The following BBS4 variants were observed in gnomAD, a reference collection of about 807,000 sequenced individuals.
BBS4 encodes the protein Bardet-Biedl syndrome 4.
Under a neutral mutation model 71.4 loss-of-function variants are expected in BBS4, and 58 were observed. That is an observed-to-expected ratio of 0.81 (90% CI 0.66 to 1.01). BBS4 has a LOEUF of 1.01. BBS4 is among the 50% of genes least tolerant of loss of function. The probability of loss-of-function intolerance (pLI) is 0.00; values close to 1 mark genes in which losing one functional copy is unlikely to be tolerated. For missense variants in BBS4, 660 were observed against 607.9 expected (o/e 1.09, Z -0.90); for synonymous variants, 228 against 216.8 (o/e 1.05, Z -0.46).
chr15:72,722,761 C>T, intron 6 of BBS4, 33 bp from the exon 7 acceptor site: 1 of 1,601,274 alleles, frequency 6.2e-7, no homozygotes, highest in Non-Finnish European at 8.6e-7. Flanking sequence ...GGAATTACAC[C>T]TGAGTTGTTT....
At position 72,712,254 on chromosome 15, in the gene BBS4, A is replaced by T. The variant is rs1422003622; in HGVS notation, c.167A>T (p.Lys56Ile). 5 of 1,613,994 alleles carry T rather than the reference A, an allele frequency of 3.1e-6. No homozygotes were observed. Among genetic ancestry groups the T allele is most frequent in the Non-Finnish European group, 4.2e-6 (5 of 1,179,908 alleles). Reference sequence around the variant, plus strand: ...TTCTCCCTCTTTCAGGCTGTTATCAAAGAACAGCTTCAAGAGACTCAGGGA... The same window carrying T: ...TTCTCCCTCTTTCAGGCTGTTATCATAGAACAGCTTCAAGAGACTCAGGGA... ...KDYEACKAVI[K>I]EQLQETQGLC... The change falls in exon 4 of 16, where the codon AAA (lysine) becomes ATA (isoleucine). Residue 56 changes from lysine to isoleucine, a missense_variant. Transcript: ENST00000268057.
chr15:72,725,057 T>TAGAGAGAGAG (rs71137311), intron 8 of BBS4, among the ~76,000 whole-genome samples: 35 of 127,656 alleles, frequency 2.7e-4, no homozygotes, highest in South Asian at 8.2e-4. Flanking sequence ...TATATATATA[T>TAGAGAGAGAG]AGAGAGAGAG....
rs28938468 is a variant in BBS4 at position 72,735,167 on chromosome 15, C to A, written c.1091C>A (p.Ala364Glu). 3 of 1,613,410 alleles carry A rather than the reference C, an allele frequency of 1.9e-6. No homozygotes were observed. Among genetic ancestry groups the A allele is most frequent in the Admixed American group, 1.7e-5 (1 of 59,998 alleles). ...AATGCCAAGAGAGCCTACGCAGAAG[C>A]AGTCCACCTGGATAAGTATGCACTT... is the stretch of plus-strand genomic sequence containing the variant. ...IENAKRAYAE[A>E]VHLDKCNPLV... The change falls in exon 13 of 16, where the codon GCA becomes GAA. Residue 364 changes from alanine (A) to glutamate (E), a missense_variant. Transcript: ENST00000268057.
At chr15:72,722,283 C>T (rs2065590965) in intron 6 of BBS4, among the ~76,000 whole-genome samples, 1 of 152,214 alleles carries the variant, frequency 6.6e-6, no homozygotes, top group South Asian at 2.1e-4. Flanking sequence ...GCTGTCAGTC[C>T]TCAAGTTCAC....
intron 2 of BBS4, among the ~76,000 whole-genome samples, chr15:72,703,054 G>T (rs1194382282): frequency 6.6e-6 from 1 of 151,174 alleles, no homozygotes; most frequent in Admixed American, 6.6e-5. Flanking sequence ...CTCGTGATCC[G>T]CCCGCCTCGG....
intron 5 of BBS4, among the ~76,000 whole-genome samples, chr15:72,716,541 C>G (rs1444541479): frequency 6.6e-6 from 1 of 152,152 alleles, no homozygotes; most frequent in Non-Finnish European, 1.5e-5. Context: ...AAGACTCTCA[C>G]TAAAATTGGT....
chr15:72,736,048 A>G, intron 14 of BBS4, 82 bp downstream of exon 14: 1 of 1,511,256 alleles, frequency 6.6e-7, no homozygotes. Context: ...ATCCAAATCC[A>G]AGGTATTACA....
intron 6 of BBS4, 85 bp from the exon 7 acceptor site, chr15:72,722,709 A>G: frequency 7.8e-7 from 1 of 1,277,444 alleles, no homozygotes; most frequent in Non-Finnish European, 1.1e-6. Flanking sequence ...CCGAGCAATA[A>G]CAATCTCTAG....
At chr15:72,736,259 T>G (rs1174428088) in intron 14 of BBS4, among the ~76,000 whole-genome samples, 2 of 132,970 alleles carry the variant, frequency 1.5e-5, no homozygotes, top group East Asian at 2.6e-4. Flanking sequence ...TTTTTTTTTT[T>G]GAGACGGAAT....
chr15:72,687,467 C>T (rs1595898700), intron 1 of BBS4, among the ~76,000 whole-genome samples: 1 of 150,988 alleles, frequency 6.6e-6, no homozygotes, highest in Non-Finnish European at 1.5e-5. Flanking sequence ...AGCGGGGCAT[C>T]GTGGCGCTCG....
At chr15:72,708,803 G>T (rs1231346863) in intron 2 of BBS4, among the ~76,000 whole-genome samples, 1 of 152,134 alleles carries the variant, frequency 6.6e-6, no homozygotes, top group Non-Finnish European at 1.5e-5. Context: ...TTGACATAAG[G>T]ACTGAAATAC....
At chr15:72,693,880 T>C (rs1264630904) in intron 1 of BBS4, among the ~76,000 whole-genome samples, 2 of 152,026 alleles carry the variant, frequency 1.3e-5, no homozygotes, top group Admixed American at 1.3e-4. Context: ...TTTGTTTTTC[T>C]TTTTCTTCTT....
At chr15:72,698,753 A>G (rs1277127809) in intron 2 of BBS4, among the ~76,000 whole-genome samples, 1 of 152,190 alleles carries the variant, frequency 6.6e-6, no homozygotes, top group Non-Finnish European at 1.5e-5. Flanking sequence ...CCTGTACTGT[A>G]TATAATAATT....
Position 72,735,851 on chromosome 15 carries a change from A to ATG in BBS4, c.1134_1135dup (p.Ala379ValfsTer91). ...TGTAACCCTTTAGTAAACCTGAACT[A>ATG]TGCTGTGCTGCTGTACAACCAGGGC... On this transcript the variant is annotated frameshift_variant, in exon 14 of 16. Transcript: ENST00000268057. LOFTEE classifies it high-confidence loss of function. The ATG allele has an allele frequency of 6.2e-7, 1 of 1,614,172 alleles. No individual in the cohort carries two copies. Among genetic ancestry groups the ATG allele is most frequent in the Non-Finnish European group, 8.5e-7 (1 of 1,180,028 alleles).
intron 1 of BBS4, chr15:72,686,458 C>A (rs1043159790): frequency 6.5e-7 from 1 of 1,531,810 alleles, no homozygotes; most frequent in Non-Finnish European, 8.7e-7. Context: ...AGGTCCTGTT[C>A]TAGGACTGTA....
At chr15:72,726,775 A>G (rs1169263483) in intron 8 of BBS4, among the ~76,000 whole-genome samples, 1 of 152,342 alleles carries the variant, frequency 6.6e-6, no homozygotes, top group African/African-American at 2.4e-5. Context: ...GGTGCTAGGT[A>G]GTAGCCCTGA....
chr15:72,731,236 A>T, intron 10 of BBS4, 69 bp from the exon 11 acceptor site: 1 of 1,603,178 alleles, frequency 6.2e-7, no homozygotes, highest in Non-Finnish European at 8.5e-7. Context: ...GTATAGACTC[A>T]GGAAAGCTGC....
At chr15:72,721,308 A>G (rs919222536) in intron 6 of BBS4, among the ~76,000 whole-genome samples, 17 of 152,222 alleles carry the variant, frequency 1.1e-4, no homozygotes, top group African/African-American at 3.9e-4. Flanking sequence ...TTAGAAATAA[A>G]TACGGAAACA....
chr15:72,737,512 A>G lies in BBS4; in HGVS notation c.1485A>G (p.Pro495=). ...GAACATCCCAGTTCACAAAGCCCCC[A>G]TCTCTTCCTCTGGAGCCAGAGCCTG... ...AGGTSQFTKP[P]SLPLEPEPAV... is the part of the protein sequence containing the mutation. The change falls in exon 16 of 16, where the codon CCA becomes CCG. Residue 495 remains proline (P), a synonymous_variant. Coordinates refer to ENST00000268057, the MANE Select transcript of BBS4 (RefSeq NM_033028.5). 1 of 1,613,198 alleles carries G rather than the reference A, an allele frequency of 6.2e-7. No individual in the cohort carries two copies. The highest frequency in any genetic ancestry group is 8.5e-7 in the Non-Finnish European group (1 of 1,179,662).
Sources: allele counts gnomAD v4.1 joint callset (sites outside exome capture counted in the v4.1 genomes callset), GRCh38; gene constraint gnomAD v4.1.1; transcripts MANE v1.5; gene names NCBI Gene and HGNC (gene_info 2026-07-23, HGNC 2026-07-21).